Variants in FAM168B observed in about 807,000 individuals in gnomAD.
The protein encoded by FAM168B is family with sequence similarity 168 member B, also known as myelin-associated neurite-outgrowth inhibitor.
FAM168B carries 19 observed loss-of-function variants against 21.8 expected under a neutral mutation model. That is an observed-to-expected ratio of 0.87 (90% CI 0.61 to 1.28). FAM168B has a LOEUF of 1.28. Ranked by LOEUF, FAM168B falls within the 50% of genes most tolerant of loss-of-function variation. The pLI is 0.00. For missense variants in FAM168B, 233 were observed against 263.1 expected (o/e 0.89, Z 0.79); for synonymous variants, 126 against 104.8 (o/e 1.20, Z -1.24).
intron 3 of FAM168B, among the ~76,000 whole-genome samples, chr2:131,063,237 C>A (rs546941133): frequency 6.6e-6 from 1 of 152,126 alleles, no homozygotes; most frequent in African/African-American, 2.4e-5. Context: ...ATTTCTGCAA[C>A]TTTTCTGTGA....
chr2:131,055,540 T>C lies in FAM168B; in HGVS notation c.297+13A>G. ...TCACCCCTTCCCACACAGCAGTGTG[T>C]ACCCAAGCATACCTGTGCATACGGG... On this transcript the variant is annotated intron_variant, in intron 4 of 6. Transcript: ENST00000389915. The C allele has an allele frequency of 6.2e-7, 1 of 1,602,118 alleles. No individual in the cohort carries two copies. The highest frequency in any genetic ancestry group is 8.5e-7 in the Non-Finnish European group (1 of 1,175,428).
At chr2:131,085,701 C>T (rs1472130827) in intron 1 of FAM168B, among the ~76,000 whole-genome samples, 2 of 151,954 alleles carry the variant, frequency 1.3e-5, no homozygotes, top group African/African-American at 2.4e-5. Flanking sequence ...ACATTCATTA[C>T]CTGAACTGTC....
intron 1 of FAM168B, among the ~76,000 whole-genome samples, chr2:131,090,026 T>C (rs1294217867): frequency 1.5e-5 from 2 of 130,096 alleles, no homozygotes. Context: ...GGACGCTCCA[T>C]CTCAAAAAAA....
At position 131,093,438 on chromosome 2, in the gene FAM168B, G is replaced by A. The variant is rs970202890; in HGVS notation, c.-236C>T. ...GCAGCCCGCGCTCCCCGCCGACGCT[G>A]CGCAGCCACCGGAGCCGCCGACCTC... is the stretch of plus-strand genomic sequence containing the variant. On this transcript the variant is annotated 5_prime_UTR_variant, in exon 1 of 7. Transcript: ENST00000389915. 7.9e-5 allele frequency: 12 copies of A among 151,246 alleles called. No individual in the cohort carries two copies. The highest frequency in any genetic ancestry group is 1.6e-4 in the Non-Finnish European group (11 of 67,796). 9.4% of individuals were successfully genotyped at this position (151,246 alleles called of 1,614,324 possible).
At position 131,062,645 on chromosome 2, in the gene FAM168B, C is replaced by T. The variant is rs138512211; in HGVS notation, c.155-6950G>A. 6.8e-3 allele frequency among the ~76,000 whole-genome samples: 1,030 copies of T among 152,238 alleles called. 2 individuals carry two copies. Among genetic ancestry groups the T allele is most frequent in the Non-Finnish European group, 0.011 (742 of 68,010 alleles). On this transcript the variant is annotated intron_variant, in intron 3 of 6. Coordinates refer to ENST00000389915, the MANE Select transcript of FAM168B (RefSeq NM_001009993.4). ...GTATTTTTAGTAGAGACTGGATTCA[C>T]CTATGTTGGCCAGGCTGGTCTCGAA... is the stretch of plus-strand genomic sequence containing the variant.
intron 2 of FAM168B, among the ~76,000 whole-genome samples, chr2:131,075,226 A>T (rs1186143849): frequency 3.3e-5 from 5 of 151,954 alleles, no homozygotes; most frequent in Non-Finnish European, 1.5e-5. Flanking sequence ...AACTGCCCTC[A>T]GAGACCAGGG....
rs1691414794 is a variant in FAM168B at position 131,048,290 on chromosome 2, G to A, written c.*4175C>T. On this transcript the variant is annotated 3_prime_UTR_variant, in exon 7 of 7. Transcript: ENST00000389915. ...CTAGGAGCACAAACGGCTGGCCTGA[G>A]ATCTGGCCCAGCTGCCTTGCCCACT... 1 of 1,304,174 alleles carries A rather than the reference G, an allele frequency of 7.7e-7. No homozygotes were observed. The highest frequency in any genetic ancestry group is 1.5e-5 in the African/African-American group (1 of 65,882). 80.8% of individuals were successfully genotyped at this position (1,304,174 alleles called of 1,614,324 possible).
chr2:131,064,794 A>C (rs1171728982), intron 3 of FAM168B, among the ~76,000 whole-genome samples: 1 of 152,226 alleles, frequency 6.6e-6, no homozygotes, highest in Non-Finnish European at 1.5e-5. Context: ...GAGGACAACC[A>C]GTCCAGATAA....
intron 3 of FAM168B, among the ~76,000 whole-genome samples, chr2:131,065,019 G>C (rs1475676354): frequency 1.3e-5 from 2 of 152,214 alleles, no homozygotes; most frequent in Non-Finnish European, 2.9e-5. Flanking sequence ...CAGGACAACA[G>C]GATCGCCGCA....
chr2:131,060,189 C>G (rs1019294192), intron 3 of FAM168B, among the ~76,000 whole-genome samples: 3 of 152,148 alleles, frequency 2.0e-5, no homozygotes, highest in African/African-American at 7.2e-5. Flanking sequence ...CCACACCCAG[C>G]TAATTTTTGT....
In FAM168B at chr2:131,051,267, C is replaced by G; in HGVS notation, c.*1198G>C. 1.0e-6 allele frequency: 1 copy of G among 985,342 alleles called. No homozygotes were observed. 61.0% of individuals were successfully genotyped at this position (985,342 alleles called of 1,614,324 possible). On this transcript the variant is annotated 3_prime_UTR_variant, in exon 7 of 7. Coordinates refer to ENST00000389915, the MANE Select transcript of FAM168B (RefSeq NM_001009993.4). Reference sequence around the variant, plus strand: ...AGTCACCACCATCAGGTGGGTGATCCCAGAAGCAGCTACAGGTTTCTACAT... The same window carrying G: ...AGTCACCACCATCAGGTGGGTGATCGCAGAAGCAGCTACAGGTTTCTACAT...
chr2:131,087,227 T>C (rs1693755315), intron 1 of FAM168B, among the ~76,000 whole-genome samples: 1 of 151,976 alleles, frequency 6.6e-6, no homozygotes, highest in Non-Finnish European at 1.5e-5. Flanking sequence ...CCAGTACTTT[T>C]GGAGGCCAAG....
intron 3 of FAM168B, among the ~76,000 whole-genome samples, chr2:131,071,036 T>C (rs902171323): frequency 3.9e-5 from 6 of 152,146 alleles, no homozygotes; most frequent in East Asian, 1.9e-4. Flanking sequence ...GGTGGTCATA[T>C]AGGGTCATAG....
rs1190440561 is a variant in FAM168B, at chr2:131,089,291, A to G, written c.-12+3923T>C. 5.9e-5 allele frequency among the ~76,000 whole-genome samples: 9 copies of G among 151,362 alleles called. No individual in the cohort carries two copies. The Admixed American group carries it at 6.0e-4, about 10-fold the overall frequency. On this transcript the variant is annotated intron_variant, in intron 1 of 6. Transcript: ENST00000389915. ...GAGCTTACCACATTTTTAGTTTCCC[A>G]TTTGAAATGACTCAACTGTCAGAAT... is the stretch of plus-strand genomic sequence containing the variant.
rs1378845615 is a variant in FAM168B at position 131,062,582 on chromosome 2, G to A, written c.155-6887C>T. Among the ~76,000 whole-genome samples, 3 of 152,144 alleles carry A rather than the reference G, an allele frequency of 2.0e-5. No individual in the cohort carries two copies. The East Asian group carries it at 5.8e-4, about 29-fold the overall frequency. ...TCTACCTCAGCCTCCCGAGTAGCTG[G>A]GATTACAAGCGTGCACCACCATGCT... On this transcript the variant is annotated intron_variant, in intron 3 of 6. Coordinates refer to ENST00000389915, the MANE Select transcript of FAM168B (RefSeq NM_001009993.4).
intron 1 of FAM168B, among the ~76,000 whole-genome samples, chr2:131,085,229 C>T (rs1382021988): frequency 6.6e-6 from 1 of 151,982 alleles, no homozygotes; most frequent in Admixed American, 6.6e-5. Flanking sequence ...GTGGGAGGAT[C>T]GCTTGAGGCC....
chr2:131,081,605 T>C (rs1337212078), intron 2 of FAM168B, among the ~76,000 whole-genome samples: 2 of 152,186 alleles, frequency 1.3e-5, no homozygotes, highest in East Asian at 1.9e-4. Flanking sequence ...CTAGACTGTT[T>C]AGTCTATCTC....
Position 131,049,106 on chromosome 2 carries a change from T to C in FAM168B, c.*3359A>G. On this transcript the variant is annotated 3_prime_UTR_variant, in exon 7 of 7. Transcript: ENST00000389915. ...GCACTCACAGGTGCCTTACATACCT[T>C]ACGGGGGCCAACACTGACAGGTATT... 1.0e-6 allele frequency: 1 copy of C among 985,404 alleles called. No homozygotes were observed. Among genetic ancestry groups the C allele is most frequent in the Non-Finnish European group, 1.2e-6 (1 of 829,916 alleles). 61.0% of individuals were successfully genotyped at this position (985,404 alleles called of 1,614,324 possible). A position where few individuals can be genotyped will look rare whatever the true frequency, so the allele number is the denominator to read the frequency against.
Position 131,048,083 on chromosome 2 carries a change from T to C in FAM168B, c.*4382A>G, listed in dbSNP as rs1205667568. On this transcript the variant is annotated 3_prime_UTR_variant, in exon 7 of 7. Coordinates refer to ENST00000389915, the MANE Select transcript of FAM168B (RefSeq NM_001009993.4). ...TGGATACGTAAGTTCAATGCAGAGGTGAGGGATGCCTTTAACACTGGAAGA... is the reference window on the plus strand; with the variant it reads ...TGGATACGTAAGTTCAATGCAGAGGCGAGGGATGCCTTTAACACTGGAAGA... 1 of 830,650 alleles carries C rather than the reference T, an allele frequency of 1.2e-6. No homozygotes were observed. The highest frequency in any genetic ancestry group is 1.6e-6 in the Non-Finnish European group (1 of 617,140). 51.5% of individuals were successfully genotyped at this position (830,650 alleles called of 1,614,324 possible).
Sources: allele counts gnomAD v4.1 joint callset (sites outside exome capture counted in the v4.1 genomes callset), GRCh38; gene constraint gnomAD v4.1.1; transcripts MANE v1.5; gene names NCBI Gene and HGNC (gene_info 2026-07-23, HGNC 2026-07-21).